Variants in PDGFRA observed in about 807,000 individuals in gnomAD.
PDGFRA encodes platelet-derived growth factor receptor alpha.
A neutral mutation model predicts 121.5 loss-of-function variants in PDGFRA; 25 were observed. The ratio of observed to expected loss-of-function variants is 0.21; its 90% CI spans 0.15 to 0.29. PDGFRA has a LOEUF of 0.29. Ranked by LOEUF, PDGFRA falls within the 10% of genes least tolerant of loss-of-function variation. PDGFRA has a pLI of 1.00. For synonymous variants in PDGFRA, 463 were observed against 494.8 expected (o/e 0.94, Z 0.85); for missense variants, 1,008 against 1,345.1 (o/e 0.75, Z 3.92).
chr4:54,234,696 A>G (rs1720914180), intron 1 of PDGFRA, among the ~76,000 whole-genome samples: 1 of 152,062 alleles, frequency 6.6e-6, no homozygotes, highest in Non-Finnish European at 1.5e-5. Context: ...CTGGCCTGTG[A>G]GGAGGGTAGT....
At chr4:54,286,513 T>C (rs1417669855) in intron 18 of PDGFRA, among the ~76,000 whole-genome samples, 1 of 151,832 alleles carries the variant, frequency 6.6e-6, no homozygotes, top group Non-Finnish European at 1.5e-5. Flanking sequence ...TGCACCACCA[T>C]GTTCAGCTAA....
Position 54,267,733 on chromosome 4 carries a change from G to C in PDGFRA, c.1113G>C (p.Gln371His). ...TCACCACTGATGTGGAAAAGATTCA[G>C]GAAATAAGGTAAAGAAACTCTCTGC... ...TEITTDVEKIQEIRYRSKLKL... is the reference protein window; with the variant it reads ...TEITTDVEKIHEIRYRSKLKL... The change falls in exon 7 of 23, where the codon CAG becomes CAC. Residue 371 changes from glutamine to histidine, a missense_variant. By Grantham distance (24) the Gln-to-His change is conservative. Transcript: ENST00000257290. 1 of 1,613,640 alleles carries C rather than the reference G, an allele frequency of 6.2e-7. No individual in the cohort carries two copies. The highest frequency in any genetic ancestry group is 8.5e-7 in the Non-Finnish European group (1 of 1,179,672).
intron 1 of PDGFRA, among the ~76,000 whole-genome samples, chr4:54,249,996 A>G (rs1430404624): frequency 6.6e-6 from 1 of 152,156 alleles, no homozygotes; most frequent in Non-Finnish European, 1.5e-5. Flanking sequence ...TTGTCTATAA[A>G]GTTTTATTAA....
chr4:54,281,042 G>A (rs987612598), intron 16 of PDGFRA, among the ~76,000 whole-genome samples: 1 of 152,182 alleles, frequency 6.6e-6, no homozygotes, highest in Non-Finnish European at 1.5e-5. Flanking sequence ...TTCTGGACCA[G>A]TGTTTCTGTT....
rs1724018972 is a variant in PDGFRA, at chr4:54,280,511, T to A, written c.2323+29T>A. On this transcript the variant is annotated intron_variant, in intron 16 of 22. Transcript: ENST00000257290. ...AAAGTGTCTATACTCACTCTGGGTG[T>A]TGGGACTTTCCAGTGGTTTAATATG... 5 of 1,577,384 alleles carry A rather than the reference T, an allele frequency of 3.2e-6. No homozygotes were observed. In the South Asian group the frequency reaches 5.5e-5, roughly 18 times the overall value.
At chr4:54,295,022 C>T in intron 22 of PDGFRA, 103 bp from the exon 23 acceptor site, 1 of 1,228,646 alleles carries the variant, frequency 8.1e-7, no homozygotes, top group Non-Finnish European at 1.2e-6. Flanking sequence ...ACTGTGCAGC[C>T]CAAATTTGAA....
intron 1 of PDGFRA, among the ~76,000 whole-genome samples, chr4:54,232,503 G>C (rs552630534): frequency 1.8e-4 from 28 of 152,354 alleles, no homozygotes; most frequent in African/African-American, 6.7e-4. Flanking sequence ...CGCGAAAGGG[G>C]AGCGACAAGC....
Position 54,266,417 on chromosome 4 carries a change from T to C in PDGFRA, c.760-872T>C, listed in dbSNP as rs959999474. Among the ~76,000 whole-genome samples, 134 of 150,690 alleles carry C rather than the reference T, an allele frequency of 8.9e-4. 1 individual carries two copies. Among genetic ancestry groups the C allele is most frequent in the Admixed American group, 1.4e-3 (21 of 15,130 alleles). The stretch of plus-strand genomic sequence containing the variant: ...TCTTTTTTTTTTCTTTTTTCTTTTT[T>C]TTTTTTGTTGTGGAGATGAGGATCT... On this transcript the variant is annotated intron_variant, in intron 5 of 22. Transcript: ENST00000257290.
At position 54,296,625 on chromosome 4, in the gene PDGFRA, A is replaced by G. The variant is rs769571735; in HGVS notation, c.*1353A>G. 31 of 232,560 alleles carry G rather than the reference A, an allele frequency of 1.3e-4. No homozygotes were observed. The highest frequency in any genetic ancestry group is 1.8e-4 in the Non-Finnish European group (21 of 117,726). The allele number at this position is 232,560 out of a possible 1,614,324, so 14.4% of individuals were successfully genotyped here. A position where few individuals can be genotyped will look rare whatever the true frequency, so the allele number is the denominator to read the frequency against. The stretch of plus-strand genomic sequence containing the variant: ...CAGGATGACTAGATCCTGGGTTTCC[A>G]TCCTTGAGATTCTGAAGTATGAAGT... On this transcript the variant is annotated 3_prime_UTR_variant, in exon 23 of 23. Coordinates refer to ENST00000257290, the MANE Select transcript of PDGFRA (RefSeq NM_006206.6).
In PDGFRA at chr4:54,263,190, C is replaced by T. The variant is rs184504677; in HGVS notation, c.368-477C>T. Among the ~76,000 whole-genome samples, 582 of 152,184 alleles carry T rather than the reference C, an allele frequency of 3.8e-3. 2 individuals are homozygous for T. The highest frequency in any genetic ancestry group is 6.2e-3 in the Non-Finnish European group (422 of 68,012). On this transcript the variant is annotated intron_variant, in intron 3 of 22. Coordinates refer to ENST00000257290, the MANE Select transcript of PDGFRA (RefSeq NM_006206.6). ...TTTAAAAGCATTTCATAATAAAACT[C>T]GAAATATTTTTTCCTGTTTTAAACA... is the stretch of plus-strand genomic sequence containing the variant.
intron 1 of PDGFRA, among the ~76,000 whole-genome samples, chr4:54,246,084 A>C (rs954757164): frequency 1.6e-4 from 24 of 152,216 alleles, no homozygotes; most frequent in Admixed American, 4.6e-4. Flanking sequence ...TGAGTGACCT[A>C]CAAAGAGACT....
In PDGFRA at chr4:54,290,552, C is replaced by T. The variant is rs961168177; in HGVS notation, c.3120C>T (p.His1040=). 6.2e-7 allele frequency: 1 copy of T among 1,614,190 alleles called. No individual in the cohort carries two copies. Among genetic ancestry groups the T allele is most frequent in the Non-Finnish European group, 8.5e-7 (1 of 1,180,032 alleles). ...AGGACCTGGGCAAGAGGAACAGACA[C>T]AGGTAGCTGTGGGGGCAGCCTCGGT... ...EEEDLGKRNR[H]SSQTSEESAI... Residue 1040 remains histidine, a splice_region_variant and synonymous_variant, in exon 22 of 23, where the codon CAC becomes CAT. Coordinates refer to ENST00000257290, the MANE Select transcript of PDGFRA (RefSeq NM_006206.6).
chr4:54,275,043 T>G, intron 12 of PDGFRA, 70 bp downstream of exon 12: 865 of 1,325,286 alleles, frequency 6.5e-4, no homozygotes, highest in Non-Finnish European at 8.4e-4. Flanking sequence ...TTATAGGCCT[T>G]GGCAGAATAG....
At chr4:54,249,843 T>C (rs1560458570) in intron 1 of PDGFRA, among the ~76,000 whole-genome samples, 1 of 152,086 alleles carries the variant, frequency 6.6e-6, no homozygotes, top group South Asian at 2.1e-4. Context: ...ATTATTATTA[T>C]TTTTGTAAGT....
intron 1 of PDGFRA, among the ~76,000 whole-genome samples, chr4:54,253,689 T>C (rs1457767454): frequency 1.3e-5 from 2 of 152,266 alleles, no homozygotes; most frequent in East Asian, 3.9e-4. Flanking sequence ...ATTCTTTTTT[T>C]CTTTTTTCTT....
Position 54,280,410 on chromosome 4 carries a change from G to T in PDGFRA, c.2251G>T (p.Val751Phe), listed in dbSNP as rs1560485346. 6.2e-7 allele frequency: 1 copy of T among 1,613,194 alleles called. No individual in the cohort carries two copies. The highest frequency in any genetic ancestry group is 8.5e-7 in the Non-Finnish European group (1 of 1,179,162). Residue 751 changes from valine (V) to phenylalanine (F), a missense_variant, in exon 16 of 23, where the codon GTT becomes TTT. Val to Phe is a conservative substitution (Grantham distance 50). Coordinates refer to ENST00000257290, the MANE Select transcript of PDGFRA (RefSeq NM_006206.6). ...TGTCCCCATGCTAGAAAGGAAAGAGGTTTCTAAATATTCCGACATCCAGAG... is the reference window on the plus strand; with the variant it reads ...TGTCCCCATGCTAGAAAGGAAAGAGTTTTCTAAATATTCCGACATCCAGAG... ...QYVPMLERKE[V>F]SKYSDIQRSL...
chr4:54,272,550 C>T (rs765496381), intron 9 of PDGFRA, 30 bp downstream of exon 9: 31 of 1,607,798 alleles, frequency 1.9e-5, no homozygotes, highest in Admixed American at 5.0e-5. Flanking sequence ...CTTCTTCTTT[C>T]GTGGTCAGAA....
intron 15 of PDGFRA, among the ~76,000 whole-genome samples, chr4:54,279,648 C>T (rs945561660): frequency 6.6e-6 from 1 of 151,700 alleles, no homozygotes; most frequent in Non-Finnish European, 1.5e-5. Context: ...TTTGGTGCAC[C>T]CATCACTGGA....
Position 54,290,374 on chromosome 4 carries a change from G to T in PDGFRA, c.2942G>T (p.Arg981Leu), listed in dbSNP as rs368266633. 1.2e-6 allele frequency: 2 copies of T among 1,612,382 alleles called. No individual in the cohort carries two copies. The highest frequency in any genetic ancestry group is 2.7e-5 in the African/African-American group (2 of 74,908). ...GACCATCCTGCTGTGGCACGCATGCGTGTGGACTCAGACAATGCATACATT... is the reference window on the plus strand; with the variant it reads ...GACCATCCTGCTGTGGCACGCATGCTTGTGGACTCAGACAATGCATACATT... ...KSDHPAVARM[R>L]VDSDNAYIGV... Residue 981 changes from arginine (R) to leucine (L), a missense_variant, in exon 22 of 23, where the codon CGT becomes CTT. Coordinates refer to ENST00000257290, the MANE Select transcript of PDGFRA (RefSeq NM_006206.6).
Sources: gnomAD v4.1 joint callset for allele counts (sites outside exome capture counted in the v4.1 genomes callset) on GRCh38, gnomAD v4.1.1 for gene constraint, MANE v1.5 for transcripts, NCBI Gene and HGNC (gene_info 2026-07-23, HGNC 2026-07-21) for gene names.